ANKRD18A: variants seen among roughly 807,000 people sequenced by gnomAD.
ANKRD18A encodes the protein ankyrin repeat domain-containing protein 18A.
ANKRD18A carries 72 observed loss-of-function variants against 110.6 expected under a neutral mutation model. The ratio of observed to expected loss-of-function variants is 0.65; its 90% confidence interval spans 0.54 to 0.79. The LOEUF (loss-of-function observed/expected upper bound fraction) is 0.79, where lower values mean the gene tolerates loss of function less well. Ranked by LOEUF, ANKRD18A falls within the 30% of genes least tolerant of loss-of-function variation. The pLI, the probability that ANKRD18A is intolerant of heterozygous loss-of-function variation, is 0.00. For missense variants in ANKRD18A, 934 were observed against 1,163.3 expected (o/e 0.80, Z 2.87); for synonymous variants, 305 against 410.3 (o/e 0.74, Z 3.10).
rs752439599 is a variant in ANKRD18A at position 38,596,238 on chromosome 9, T to C, written c.1102A>G (p.Asn368Asp). ...EIKSITEINA[N>D]FEKSVRLNEK... ...TTGAGTCTTACACTCTTTTCAAAGT[T>C]AGCATTTATTTCTGTAATGCTTTTA... is the stretch of plus-strand genomic sequence containing the variant. The change falls in exon 9 of 16, where the codon AAC (asparagine) becomes GAC (aspartate). Residue 368 changes from asparagine to aspartate, a missense_variant. Around this residue, in one of 4 missense-constraint regions of ANKRD18A, gnomAD observed 630 missense variants for 797.5 expected, o/e 0.79. Transcript: ENST00000399703. 1.3e-6 allele frequency: 2 copies of C among 1,535,016 alleles called. No individual in the cohort carries two copies. Among genetic ancestry groups the C allele is most frequent in the Admixed American group, 2.1e-5 (1 of 46,706 alleles).
At chr9:38,573,490 G>T (rs1193180895) in intron 15 of ANKRD18A, among the ~76,000 whole-genome samples, 3 of 152,148 alleles carry the variant, frequency 2.0e-5, no homozygotes, top group South Asian at 2.1e-4. Context: ...GCAAATGTGG[G>T]CAGATCACAA....
rs1269459412 is a variant in ANKRD18A at position 38,620,342 on chromosome 9, G to A, written c.-57C>T. On this transcript the variant is annotated 5_prime_UTR_variant, in exon 1 of 16. Coordinates refer to ENST00000399703, the MANE Select transcript of ANKRD18A (RefSeq NM_147195.4). ...TCCTGAGCCGCGGCGGCTCCTCGTGGCCTTTCCACCCCCACTCCGCCCCAA... is the reference window on the plus strand; with the variant it reads ...TCCTGAGCCGCGGCGGCTCCTCGTGACCTTTCCACCCCCACTCCGCCCCAA... 28 of 1,518,434 alleles carry A rather than the reference G, an allele frequency of 1.8e-5. No homozygotes were observed. Among genetic ancestry groups the A allele is most frequent in the Non-Finnish European group, 2.4e-5 (27 of 1,129,092 alleles). The allele number at this position is 1,518,434 out of a possible 1,614,324, so 94.1% of individuals were successfully genotyped here. A position where few individuals can be genotyped will look rare whatever the true frequency, so the allele number is the denominator to read the frequency against.
At chr9:38,588,854 A>T (rs1824506759) in intron 10 of ANKRD18A, among the ~76,000 whole-genome samples, 191 bp from the exon 11 acceptor site, 1 of 152,194 alleles carries the variant, frequency 6.6e-6, no homozygotes, top group Non-Finnish European at 1.5e-5. Flanking sequence ...AAAGATTCAC[A>T]CTTTCATCAT....
chr9:38,597,376 T>G (rs1238903399), intron 8 of ANKRD18A, among the ~76,000 whole-genome samples: 1 of 152,126 alleles, frequency 6.6e-6, no homozygotes, highest in Non-Finnish European at 1.5e-5. Context: ...AGGAGCCGAG[T>G]GAAACTGCTG....
Position 38,588,388 on chromosome 9 carries a change from A to G in ANKRD18A, c.2117+163T>C, listed in dbSNP as rs540766063. ...GTCATGGACTCCTGCTCACATGCCT[A>G]TAAAGTTGTGTTGTCAGTTTCTGAA... On this transcript the variant is annotated intron_variant, in intron 11 of 15. Coordinates refer to ENST00000399703, the MANE Select transcript of ANKRD18A (RefSeq NM_147195.4). Among the ~76,000 whole-genome samples, 18 of 152,306 alleles carry G rather than the reference A, an allele frequency of 1.2e-4. No homozygotes were observed. The East Asian group carries it at 3.1e-3, about 26-fold the overall frequency.
chr9:38,596,742 A>G (rs1313271477), intron 8 of ANKRD18A, among the ~76,000 whole-genome samples: 6 of 152,174 alleles, frequency 3.9e-5, no homozygotes, highest in African/African-American at 1.4e-4. Context: ...ATCTTGGAAA[A>G]AGGAAATTGC....
chr9:38,586,513 T>C (rs1316860558), intron 11 of ANKRD18A, among the ~76,000 whole-genome samples: 1 of 152,230 alleles, frequency 6.6e-6, no homozygotes, highest in South Asian at 2.1e-4. Context: ...AATTTTATGG[T>C]ATATATAGCA....
At chr9:38,586,986 A>G (rs1824414403) in intron 11 of ANKRD18A, among the ~76,000 whole-genome samples, 2 of 152,244 alleles carry the variant, frequency 1.3e-5, no homozygotes, top group African/African-American at 4.8e-5. Context: ...TAAAAAGTAA[A>G]ACACATATAT....
Position 38,597,373 on chromosome 9 carries a change from G to A in ANKRD18A, c.937-970C>T, listed in dbSNP as rs1335593959. ...AAAGTTTGCCACAACACAAGGAGCC[G>A]AGTGAAACTGCTGAGTTTCTAGTGT... On this transcript the variant is annotated intron_variant, in intron 8 of 15. Transcript: ENST00000399703. Among the ~76,000 whole-genome samples, 10 of 152,244 alleles carry A rather than the reference G, an allele frequency of 6.6e-5. No homozygotes were observed. In the South Asian group the frequency reaches 8.3e-4, roughly 13 times the overall value.
At chr9:38,612,155 C>A (rs1233182868) in intron 3 of ANKRD18A, among the ~76,000 whole-genome samples, 1 of 152,086 alleles carries the variant, frequency 6.6e-6, no homozygotes, top group East Asian at 1.9e-4. Flanking sequence ...ATTAAATACT[C>A]CATGGGATTT....
At position 38,583,564 on chromosome 9, in the gene ANKRD18A, A is replaced by G. The variant is rs528345992; in HGVS notation, c.2247+2619T>C. Among the ~76,000 whole-genome samples the G allele has an allele frequency of 1.1e-4, 16 of 152,056 alleles. No homozygotes were observed. The East Asian group carries it at 2.9e-3, about 28-fold the overall frequency. On this transcript the variant is annotated intron_variant, in intron 12 of 15. Transcript: ENST00000399703. ...ACCACCATGCCCAGCTAATTTTTGT[A>G]TTTTTAGTAGAGACAGGGTTTCACC...
At position 38,577,862 on chromosome 9, in the gene ANKRD18A, C is replaced by T. The variant is rs1237114096; in HGVS notation, c.2529+5G>A. The T allele has an allele frequency of 6.3e-7, 1 of 1,579,448 alleles. No homozygotes were observed. The highest frequency in any genetic ancestry group is 8.6e-7 in the Non-Finnish European group (1 of 1,168,062). ...AGATAAACTTACCTGATTTTAAAAACTAACCTGTAAATGGATTTCTTCTAA... is the reference window on the plus strand; with the variant it reads ...AGATAAACTTACCTGATTTTAAAAATTAACCTGTAAATGGATTTCTTCTAA... On this transcript the variant is annotated splice_donor_5th_base_variant and intron_variant, in intron 13 of 15. Coordinates refer to ENST00000399703, the MANE Select transcript of ANKRD18A (RefSeq NM_147195.4).
chr9:38,597,045 C>T (rs1824914050), intron 8 of ANKRD18A, among the ~76,000 whole-genome samples: 2 of 152,156 alleles, frequency 1.3e-5, no homozygotes, highest in East Asian at 3.8e-4. Flanking sequence ...TTCCTCAGGG[C>T]TTCTGACTCT....
At position 38,610,394 on chromosome 9, in the gene ANKRD18A, C is replaced by A. The variant is rs1460392950; in HGVS notation, c.619G>T (p.Ala207Ser). 3 of 1,546,742 alleles carry A rather than the reference C, an allele frequency of 1.9e-6. No individual in the cohort carries two copies. Among genetic ancestry groups the A allele is most frequent in the Non-Finnish European group, 2.6e-6 (3 of 1,145,628 alleles). Residue 207 changes from alanine to serine, a missense_variant, in exon 5 of 16, where the codon GCA (alanine) becomes TCA (serine). By Grantham distance (99) the Ala-to-Ser change is moderately conservative. Transcript: ENST00000399703. ...DNFKRTALIL[A>S]VQHNLSSIVT... ...ATACTTGACAAGTTATGCTGTACTG[C>A]AAGTATGAGGGCTGTTCTAAAATAA...
chr9:38,592,226 A>G (rs953649485), intron 10 of ANKRD18A, among the ~76,000 whole-genome samples: 5 of 152,158 alleles, frequency 3.3e-5, no homozygotes, highest in African/African-American at 1.2e-4. Flanking sequence ...TTGGTAGGGT[A>G]TATTTTGTTC....
At chr9:38,603,564 A>G (rs2118830463) in intron 6 of ANKRD18A, among the ~76,000 whole-genome samples, 1 of 152,174 alleles carries the variant, frequency 6.6e-6, no homozygotes, top group East Asian at 1.9e-4. Context: ...GCTACCTATG[A>G]CGGCTTTCAC....
Position 38,620,596 on chromosome 9 carries a change from T to A in ANKRD18A, c.-311A>T. The A allele has an allele frequency of 1.4e-6, 1 of 724,532 alleles. No homozygotes were observed. The highest frequency in any genetic ancestry group is 3.8e-5 in the South Asian group (1 of 26,304). The allele number at this position is 724,532 out of a possible 1,614,324, so 44.9% of individuals were successfully genotyped here. ...CAGCGCTCCGAACTCTCAGACCGAGTGAGTCCCCGCGATGCCAGTTAGGCG... is the reference window on the plus strand; with the variant it reads ...CAGCGCTCCGAACTCTCAGACCGAGAGAGTCCCCGCGATGCCAGTTAGGCG... On this transcript the variant is annotated 5_prime_UTR_variant, in exon 1 of 16. Transcript: ENST00000399703.
chr9:38,601,769 C>G (rs1268772251), intron 7 of ANKRD18A, among the ~76,000 whole-genome samples: 1 of 152,024 alleles, frequency 6.6e-6, no homozygotes, highest in East Asian at 1.9e-4. Flanking sequence ...GGTGGGATAA[C>G]TGCTTGAAGC....
chr9:38,590,821 A>G (rs1279679601), intron 10 of ANKRD18A, among the ~76,000 whole-genome samples: 1 of 152,122 alleles, frequency 6.6e-6, no homozygotes, highest in African/African-American at 2.4e-5. Context: ...TTCATGAAAT[A>G]AGAACCTTCT....
Sources: allele counts gnomAD v4.1 joint callset (sites outside exome capture counted in the v4.1 genomes callset), GRCh38; gene constraint gnomAD v4.1.1; regional missense constraint gnomAD v4.1.1; transcripts MANE v1.5; gene names NCBI Gene and HGNC (gene_info 2026-07-23, HGNC 2026-07-21).